The following CASZ1 variants were observed in gnomAD, a reference collection of about 807,000 sequenced individuals.
The protein encoded by CASZ1 is zinc finger protein castor homolog 1.
A neutral mutation model predicts 135.2 loss-of-function variants in CASZ1; 28 were observed. The observed-to-expected ratio is 0.21, with a 90% CI of 0.15 to 0.28. The LOEUF (loss-of-function observed/expected upper bound fraction) is 0.28. Ranked by LOEUF, CASZ1 falls within the 10% of genes least tolerant of loss-of-function variation. The pLI is 1.00. For missense variants in CASZ1, 2,161 were observed against 2,453.3 expected (o/e 0.88, Z 2.52); for synonymous variants, 1,068 against 1,073.4 (o/e 0.99, Z 0.10).
rs1639919119 is a variant in CASZ1 at position 10,741,381 on chromosome 1, G to T, written c.-77+19320C>A. On this transcript the variant is annotated intron_variant, in intron 2 of 20. Transcript: ENST00000377022. The surrounding 1 kb of genome is among the most constrained non-coding windows in gnomAD (Gnocchi z 5.0). ...AGAGCCACCAGCAGTTGTCCTGGGG[G>T]TGGGGGCGGCAGGGCACAGGGAGCA... Among the ~76,000 whole-genome samples the T allele has an allele frequency of 6.6e-6, 1 of 152,192 alleles. No individual in the cohort carries two copies. The highest frequency in any genetic ancestry group is 2.4e-5 in the African/African-American group (1 of 41,440).
chr1:10,793,146 G>T (rs1640993965), intron 1 of CASZ1, among the ~76,000 whole-genome samples: 1 of 148,646 alleles, frequency 6.7e-6, no homozygotes, highest in Non-Finnish European at 1.5e-5. Flanking sequence ...ATAAAAGGGA[G>T]TTTCATATTT....
chr1:10,686,157 C>G (rs1312353438), intron 4 of CASZ1, among the ~76,000 whole-genome samples: 1 of 152,198 alleles, frequency 6.6e-6, no homozygotes, highest in Non-Finnish European at 1.5e-5. Flanking sequence ...CCGTCCTCTC[C>G]TCTCCTTACA....
In CASZ1 at chr1:10,639,941, C is replaced by T; in HGVS notation, c.4281G>A (p.Glu1427=). The T allele has an allele frequency of 3.1e-6, 5 of 1,612,942 alleles. No individual in the cohort carries two copies. The highest frequency in any genetic ancestry group is 4.2e-6 in the Non-Finnish European group (5 of 1,180,020). The stretch of plus-strand genomic sequence containing the variant: ...GCCGGAAGCCCTCCAGCATCATGCC[C>T]TCGTCCAGCATCTTCCGGGAGGACG... ...KTASSRKMLD[E]GMMLEGFRRF... is the part of the protein sequence containing the mutation. The change falls in exon 21 of 21, where the codon GAG becomes GAA. Residue 1427 remains glutamate, a synonymous_variant. Coordinates refer to ENST00000377022, the MANE Select transcript of CASZ1 (RefSeq NM_001079843.3). This position sits in a 1 kb window ranked among gnomAD's most constrained non-coding sequence, Gnocchi z 4.0.
intron 15 of CASZ1, 46 bp from the exon 16 acceptor site, chr1:10,648,185 G>A: frequency 7.5e-7 from 1 of 1,338,376 alleles, no homozygotes; most frequent in Non-Finnish European, 1.0e-6. Flanking sequence ...AGTGAAGACA[G>A]GTGTGGAGGG....
intron 4 of CASZ1, among the ~76,000 whole-genome samples, chr1:10,671,153 G>A (rs769410988): frequency 1.3e-5 from 2 of 152,202 alleles, no homozygotes; most frequent in Non-Finnish European, 2.9e-5. Context: ...CTCACTTAGC[G>A]TAAGTAACTC....
intron 2 of CASZ1, among the ~76,000 whole-genome samples, chr1:10,737,456 G>A (rs1040378107): frequency 2.5e-4 from 38 of 152,328 alleles, no homozygotes; most frequent in African/African-American, 8.2e-4. Context: ...TGGCTGCCCC[G>A]CTGGAGGGCA....
In CASZ1 at chr1:10,767,369, G is replaced by T. The variant is rs1286091269; in HGVS notation, c.-233-6512C>A. Among the ~76,000 whole-genome samples the T allele has an allele frequency of 6.6e-6, 1 of 152,246 alleles. No individual in the cohort carries two copies. Among genetic ancestry groups the T allele is most frequent in the African/African-American group, 2.4e-5 (1 of 41,476 alleles). On this transcript the variant is annotated intron_variant, in intron 1 of 20. Transcript: ENST00000377022. The surrounding 1 kb of genome is among the most constrained non-coding windows in gnomAD (Gnocchi z 4.2). ...GCAATGGAGGCCCAAAGCCTGGGAC[G>T]GGTCCTATTTCCAGGTCACAGCCCT... is the stretch of plus-strand genomic sequence containing the variant.
chr1:10,790,306 G>A (rs1156749030), intron 1 of CASZ1, among the ~76,000 whole-genome samples: 1 of 152,206 alleles, frequency 6.6e-6, no homozygotes, highest in African/African-American at 2.4e-5. Flanking sequence ...CGGCCTTATC[G>A]GTCTGCCGGG....
chr1:10,776,302 C>T lies in CASZ1; in HGVS notation c.-233-15445G>A, dbSNP rs1327280241. Among the ~76,000 whole-genome samples the T allele has an allele frequency of 6.6e-6, 1 of 152,218 alleles. No individual in the cohort carries two copies. The highest frequency in any genetic ancestry group is 1.5e-5 in the Non-Finnish European group (1 of 68,036). On this transcript the variant is annotated intron_variant, in intron 1 of 20. Coordinates refer to ENST00000377022, the MANE Select transcript of CASZ1 (RefSeq NM_001079843.3). The surrounding 1 kb of genome is among the most constrained non-coding windows in gnomAD (Gnocchi z 4.1). ...ATTTACATTCTCATCCCCTTAATCT[C>T]CATAGTAGTGGCTTCAAAATCATTC...
chr1:10,760,084 C>T (rs780727266), intron 2 of CASZ1, among the ~76,000 whole-genome samples: 2 of 152,180 alleles, frequency 1.3e-5, no homozygotes, highest in East Asian at 3.8e-4. Flanking sequence ...ACCTGCCTTA[C>T]GCAAAGGGCT....
intron 1 of CASZ1, among the ~76,000 whole-genome samples, chr1:10,761,621 G>A (rs571326802): frequency 1.3e-5 from 2 of 152,136 alleles, no homozygotes; most frequent in Non-Finnish European, 2.9e-5. Context: ...ATATTGTGGT[G>A]TTTCCATGGT....
Position 10,676,533 on chromosome 1 carries a change from C to G in CASZ1, c.17-10962G>C, listed in dbSNP as rs975558308. Among the ~76,000 whole-genome samples the G allele has an allele frequency of 6.6e-6, 1 of 152,076 alleles. No homozygotes were observed. The highest frequency in any genetic ancestry group is 1.5e-5 in the Non-Finnish European group (1 of 67,998). ...CCATCCTCTGAACAAAGGGGCTCTC[C>G]TCCTGGGCTCCTCCATCTCTCTCTG... is the stretch of plus-strand genomic sequence containing the variant. On this transcript the variant is annotated intron_variant, in intron 4 of 20. Coordinates refer to ENST00000377022, the MANE Select transcript of CASZ1 (RefSeq NM_001079843.3). The surrounding 1 kb of genome is among the most constrained non-coding windows in gnomAD (Gnocchi z 4.5).
intron 2 of CASZ1, among the ~76,000 whole-genome samples, chr1:10,738,328 G>C (rs1275979233): frequency 6.6e-6 from 1 of 152,362 alleles, no homozygotes; most frequent in Non-Finnish European, 1.5e-5. Flanking sequence ...TGACGCGGCA[G>C]GAAACCCGGA....
rs1312622438 is a variant in CASZ1 at position 10,707,346 on chromosome 1, G to T, written c.-76-1802C>A. ...CGGAATGATAACGACTTGCAGCGCG[G>T]TGTTGCCGTCCCCAACCACCCCTGT... is the stretch of plus-strand genomic sequence containing the variant. On this transcript the variant is annotated intron_variant, in intron 2 of 20. Transcript: ENST00000377022. This position sits in a 1 kb window ranked among gnomAD's most constrained non-coding sequence, Gnocchi z 5.0. Among the ~76,000 whole-genome samples, 1 of 152,198 alleles carries T rather than the reference G, an allele frequency of 6.6e-6. No homozygotes were observed. The highest frequency in any genetic ancestry group is 1.5e-5 in the Non-Finnish European group (1 of 68,044).
chr1:10,672,105 G>C (rs1643421265), intron 4 of CASZ1, among the ~76,000 whole-genome samples: 1 of 152,172 alleles, frequency 6.6e-6, no homozygotes, highest in African/African-American at 2.4e-5. Flanking sequence ...GCTTGCCCGA[G>C]AGGCCTCCCC....
At position 10,644,831 on chromosome 1, in the gene CASZ1, G is replaced by C. The variant is rs4845940; in HGVS notation, c.3868+86C>G. ...AGCCTGCGGTGGGGAACAGGACGCG[G>C]GTACCAGGAGAGGCGGCCCAGGCCA... On this transcript the variant is annotated intron_variant, in intron 18 of 20. Transcript: ENST00000377022. 32,396 of 1,402,040 alleles carry C rather than the reference G, an allele frequency of 0.023. 583 individuals are homozygous for C. The highest frequency in any genetic ancestry group is 0.049 in the African/African-American group (3,436 of 70,474). 86.8% of individuals were successfully genotyped at this position (1,402,040 alleles called of 1,614,324 possible).
intron 2 of CASZ1, among the ~76,000 whole-genome samples, chr1:10,754,719 C>T (rs1029582889): frequency 2.6e-5 from 4 of 152,228 alleles, no homozygotes; most frequent in South Asian, 2.1e-4. Flanking sequence ...GAGAGCAGCA[C>T]GGCGTGGGAC....
rs569601755 is a variant in CASZ1 at position 10,772,923 on chromosome 1, A to C, written c.-233-12066T>G. On this transcript the variant is annotated intron_variant, in intron 1 of 20. Coordinates refer to ENST00000377022, the MANE Select transcript of CASZ1 (RefSeq NM_001079843.3). ...ATCTGGGACCTCCGCCTGCCATGACAGCAGGTGGCCCCATGACCACATGGT... is the reference window on the plus strand; with the variant it reads ...ATCTGGGACCTCCGCCTGCCATGACCGCAGGTGGCCCCATGACCACATGGT... Among the ~76,000 whole-genome samples the C allele has an allele frequency of 3.9e-5, 6 of 152,220 alleles. No homozygotes were observed. In the South Asian group the frequency reaches 1.2e-3, roughly 32 times the overall value.
intron 4 of CASZ1, among the ~76,000 whole-genome samples, chr1:10,680,110 T>G (rs1638362979): frequency 6.6e-6 from 1 of 152,094 alleles, no homozygotes; most frequent in Non-Finnish European, 1.5e-5. Flanking sequence ...CCGCCTGGCT[T>G]CCTTCTCAGG....
Sources: gnomAD v4.1 joint callset for allele counts (sites outside exome capture counted in the v4.1 genomes callset) on GRCh38, gnomAD v4.1.1 for gene constraint, Gnocchi (gnomAD v3.1) non-coding constraint, MANE v1.5 for transcripts, NCBI Gene and HGNC (gene_info 2026-07-23, HGNC 2026-07-21) for gene names.